PHF24: variants seen among roughly 807,000 people sequenced by gnomAD.
The protein encoded by PHF24 is Galpha inhibitory interacting protein.
Under a neutral mutation model 42.6 loss-of-function variants are expected in PHF24, and 25 were observed. That is an observed-to-expected ratio of 0.59 (90% CI 0.43 to 0.82). PHF24 has a LOEUF of 0.82. Ranked by LOEUF, PHF24 falls within the 40% of genes least tolerant of loss-of-function variation. PHF24 has a pLI of 0.00. For synonymous variants in PHF24, 185 were observed against 204.8 expected (o/e 0.90, Z 0.83); for missense variants, 470 against 538.1 (o/e 0.87, Z 1.25).
the PHF24 span, among the ~76,000 whole-genome samples, chr9:34,944,234 G>GA: frequency 6.6e-6 from 1 of 152,002 alleles, no homozygotes; most frequent in South Asian, 2.1e-4. Flanking sequence ...CTGATAAAAA[G>GA]AAAAAAATGT....
the PHF24 span, among the ~76,000 whole-genome samples, chr9:34,690,935 T>A: frequency 3.9e-5 from 6 of 152,278 alleles, no homozygotes; most frequent in African/African-American, 1.2e-4. Context: ...CAGGCACACA[T>A]GCAGGGACCT....
the PHF24 span, among the ~76,000 whole-genome samples, chr9:34,863,415 CAGAGAGAGAGAGAGAG>C: frequency 2.0e-4 from 30 of 147,064 alleles, no homozygotes; most frequent in East Asian, 2.0e-3. Flanking sequence ...GCTGGCTCAT[CAGAGAGAGAGAGAGAG>C]AGAGAGAGAG....
At chr9:34,696,412 C>T in the PHF24 span, among the ~76,000 whole-genome samples, 3 of 150,068 alleles carry the variant, frequency 2.0e-5, no homozygotes, top group African/African-American at 7.4e-5. Context: ...CGCTTTAACC[C>T]GGGAGACAGA....
chr9:34,759,936 T>C, the PHF24 span, among the ~76,000 whole-genome samples: 1,880 of 152,292 alleles, frequency 0.012, 23 homozygotes, highest in Admixed American at 0.027. Flanking sequence ...TTGGGACTCA[T>C]TGATGAAGGG....
chr9:34,739,185 TAGTA>T, the PHF24 span, among the ~76,000 whole-genome samples: 1 of 152,218 alleles, frequency 6.6e-6, no homozygotes, highest in African/African-American at 2.4e-5. Context: ...ACTTTATTCA[TAGTA>T]AGAAAGTTCA....
chr9:34,763,091 G>C, the PHF24 span, among the ~76,000 whole-genome samples: 2 of 125,490 alleles, frequency 1.6e-5, no homozygotes, highest in Non-Finnish European at 3.5e-5. Flanking sequence ...TGCTGTTTTG[G>C]TTACTGTAGC....
chr9:34,679,912 C>G, the PHF24 span, among the ~76,000 whole-genome samples: 1 of 152,108 alleles, frequency 6.6e-6, no homozygotes, highest in African/African-American at 2.4e-5. Context: ...TTATTTTTGC[C>G]TGACAGTCCA....
chr9:34,814,065 T>G, the PHF24 span, among the ~76,000 whole-genome samples: 1 of 152,248 alleles, frequency 6.6e-6, no homozygotes, highest in Non-Finnish European at 1.5e-5. Flanking sequence ...ATACTGTTCC[T>G]GTGATTATGT....
the PHF24 span, chr9:34,889,108 C>T: frequency 2.5e-6 from 1 of 398,486 alleles, no homozygotes; most frequent in Admixed American, 4.4e-5. Flanking sequence ...TGCCCTGCTT[C>T]ACCTGCATGT....
chr9:34,714,898 T>C, the PHF24 span, among the ~76,000 whole-genome samples: 4 of 152,170 alleles, frequency 2.6e-5, no homozygotes, highest in Non-Finnish European at 5.9e-5. Context: ...AGCTTCTTGT[T>C]GTGTCAGATG....
the PHF24 span, among the ~76,000 whole-genome samples, chr9:34,675,474 A>G: frequency 0.49 from 74,409 of 152,046 alleles, 18,969 homozygotes; most frequent in East Asian, 0.8. Context: ...ATCCTTTTGC[A>G]AATCCTCTAT....
At chr9:34,910,576 T>C in the PHF24 span, among the ~76,000 whole-genome samples, 1 of 152,242 alleles carries the variant, frequency 6.6e-6, no homozygotes, top group East Asian at 1.9e-4. Context: ...AATTTGTATT[T>C]GTCAATTAAA....
At chr9:34,874,682 T>A in the PHF24 span, among the ~76,000 whole-genome samples, 1 of 152,196 alleles carries the variant, frequency 6.6e-6, no homozygotes, top group African/African-American at 2.4e-5. Flanking sequence ...CATTTAGATA[T>A]GCCTGCAGGT....
chr9:34,974,673 A>G (rs901587429), intron 3 of PHF24, among the ~76,000 whole-genome samples: 3 of 151,972 alleles, frequency 2.0e-5, no homozygotes, highest in African/African-American at 7.3e-5. Context: ...CTCTTTGGTG[A>G]CTTCATCTAC....
At chr9:34,955,591 C>T (rs1264865158), upstream of PHF24, among the ~76,000 whole-genome samples, 7 of 152,168 alleles carry the variant, frequency 4.6e-5, no homozygotes, top group Non-Finnish European at 7.4e-5. Context: ...GCAGGAGAAT[C>T]GCTTGAACCT....
the PHF24 span, among the ~76,000 whole-genome samples, chr9:34,841,858 A>G: frequency 6.6e-6 from 1 of 152,252 alleles, no homozygotes; most frequent in African/African-American, 2.4e-5. Context: ...ACTCCGTCTC[A>G]AAAAACAAAC....
At chr9:34,802,176 T>G in the PHF24 span, among the ~76,000 whole-genome samples, 3 of 149,194 alleles carry the variant, frequency 2.0e-5, no homozygotes, top group Admixed American at 2.0e-4. Flanking sequence ...ATCAACTCCT[T>G]TACTCTCTTC....
the PHF24 span, among the ~76,000 whole-genome samples, chr9:34,784,482 C>T: frequency 1.3e-5 from 2 of 152,288 alleles, no homozygotes; most frequent in East Asian, 1.9e-4. Flanking sequence ...CAGCCTCAAA[C>T]GGTACCATAA....
the PHF24 span, among the ~76,000 whole-genome samples, chr9:34,857,669 A>C: frequency 6.6e-6 from 1 of 152,172 alleles, no homozygotes. Context: ...ACCTCAGTTG[A>C]AAGTGCAGAA....
Sources: gnomAD v4.1 joint callset for allele counts (sites outside exome capture counted in the v4.1 genomes callset) on GRCh38, gnomAD v4.1.1 for gene constraint, MANE v1.5 for transcripts, NCBI Gene and HGNC (gene_info 2026-07-23, HGNC 2026-07-21) for gene names.